Variants in TEX101 observed in about 807,000 individuals in gnomAD.
The protein encoded by TEX101 is testis expressed 101.
A neutral mutation model predicts 18.1 loss-of-function variants in TEX101; 10 were observed. The ratio of observed to expected loss-of-function variants is 0.55; its 90% CI spans 0.34 to 0.94. The LOEUF is 0.94. Among genes scored for constraint, TEX101 ranks in the 40% least tolerant of loss-of-function variants. The probability of loss-of-function intolerance (pLI) is 0.02; values close to 1 mark genes in which losing one functional copy is unlikely to be tolerated. For synonymous variants in TEX101, 94 were observed against 114.8 expected (o/e 0.82, Z 1.16); for missense variants, 259 against 298.9 (o/e 0.87, Z 0.98).
the TEX101 span, among the ~76,000 whole-genome samples, chr19:43,396,075 C>A: frequency 6.6e-6 from 1 of 152,222 alleles, no homozygotes; most frequent in Non-Finnish European, 1.5e-5. Flanking sequence ...TCCCCACTTT[C>A]CATCCATCTC....
At position 43,418,370 on chromosome 19, in the gene TEX101, G is replaced by A. The variant is rs770297376; in HGVS notation, c.723G>A (p.Leu241=). ...GGTTACAGCTACTGCTGCCATTGCT[G>A]CTGCCATCATTTATTCACTTTTCCT... ...VWGLQLLLPL[L]LPSFIHFS is the part of the protein sequence containing the mutation. The change falls in exon 6 of 6, where the codon CTG becomes CTA. Residue 241 remains leucine (L), a synonymous_variant. Transcript: ENST00000598265. The A allele has an allele frequency of 1.8e-5, 29 of 1,613,832 alleles. 1 individual carries two copies. In the South Asian group the frequency reaches 2.4e-4, roughly 13 times the overall value.
At chr19:43,390,386 T>A in the TEX101 span, among the ~76,000 whole-genome samples, 1 of 151,250 alleles carries the variant, frequency 6.6e-6, no homozygotes, top group Admixed American at 6.6e-5. Flanking sequence ...TAAATTATGG[T>A]AAAATATATA....
At chr19:43,391,373 C>A in the TEX101 span, among the ~76,000 whole-genome samples, 3 of 150,282 alleles carry the variant, frequency 2.0e-5, no homozygotes, top group African/African-American at 7.3e-5. Flanking sequence ...CGTTCCAATT[C>A]CTCCTTGCCA....
chr19:43,418,049 C>T, intron 5 of TEX101, 43 bp downstream of exon 5: 6 of 1,613,792 alleles, frequency 3.7e-6, no homozygotes, highest in Non-Finnish European at 4.2e-6. Context: ...GGCTGGAAAA[C>T]CATTTGAGTG....
chr19:43,404,496 A>G (rs1287810953), intron 2 of TEX101, among the ~76,000 whole-genome samples: 1 of 152,158 alleles, frequency 6.6e-6, no homozygotes, highest in East Asian at 1.9e-4. Flanking sequence ...TTTGTTTGTT[A>G]TCTTCCAACC....
intron 4 of TEX101, among the ~76,000 whole-genome samples, chr19:43,416,957 C>T (rs1274077507): frequency 6.7e-6 from 1 of 149,744 alleles, no homozygotes; most frequent in African/African-American, 2.5e-5. Context: ...TGCTTGAACC[C>T]AGGAGGCAGA....
At chr19:43,404,623 A>AT (rs926642638) in intron 2 of TEX101, among the ~76,000 whole-genome samples, 18 of 152,052 alleles carry the variant, frequency 1.2e-4, no homozygotes, top group African/African-American at 4.1e-4. Context: ...TGCTTGATTG[A>AT]TTTTTTAATT....
At chr19:43,404,059 A>C (rs1423020292) in intron 2 of TEX101, among the ~76,000 whole-genome samples, 1 of 145,090 alleles carries the variant, frequency 6.9e-6, no homozygotes, top group Non-Finnish European at 1.5e-5. Context: ...AGATGGTCAA[A>C]AGTGTGTGGG....
the TEX101 span, among the ~76,000 whole-genome samples, chr19:43,395,361 G>A: frequency 1.4e-4 from 21 of 152,314 alleles, no homozygotes; most frequent in African/African-American, 3.6e-4. Context: ...CAAATGTGGC[G>A]AATTTTGGGG....
At chr19:43,397,882 AT>A (rs1970283472), upstream of TEX101, among the ~76,000 whole-genome samples, 1 of 92,710 alleles carries the variant, frequency 1.1e-5, no homozygotes, top group Non-Finnish European at 1.9e-5. Context: ...ATAAAAATAT[AT>A]ATTATATATA....
At chr19:43,397,222 C>T (rs558187608), upstream of TEX101, among the ~76,000 whole-genome samples, 2 of 152,240 alleles carry the variant, frequency 1.3e-5, no homozygotes, top group African/African-American at 4.8e-5. Context: ...CAGGTGCAGT[C>T]ATCTGCAGCT....
chr19:43,400,965 C>T (rs1198315470), upstream of TEX101, among the ~76,000 whole-genome samples: 1 of 152,040 alleles, frequency 6.6e-6, no homozygotes, highest in Non-Finnish European at 1.5e-5. Context: ...TTAACTAGCC[C>T]ACAGACCCAA....
upstream of TEX101, among the ~76,000 whole-genome samples, chr19:43,400,481 C>T (rs1260556095): frequency 6.6e-6 from 1 of 152,156 alleles, no homozygotes; most frequent in Non-Finnish European, 1.5e-5. Context: ...TGCATAATTA[C>T]TTATTTGCTA....
At chr19:43,400,353 T>G (rs1196004134), upstream of TEX101, among the ~76,000 whole-genome samples, 1 of 152,240 alleles carries the variant, frequency 6.6e-6, no homozygotes, top group African/African-American at 2.4e-5. Context: ...ACATACTTTT[T>G]AGAAAAAGAA....
At chr19:43,395,951 C>G in the TEX101 span, among the ~76,000 whole-genome samples, 1 of 152,346 alleles carries the variant, frequency 6.6e-6, no homozygotes, top group East Asian at 1.9e-4. Context: ...AGCTCTGTGA[C>G]AAAGTTCACT....
upstream of TEX101, among the ~76,000 whole-genome samples, chr19:43,414,129 G>A (rs1202370675): frequency 6.7e-6 from 1 of 150,176 alleles, no homozygotes; most frequent in Non-Finnish European, 1.5e-5. Context: ...TGTCAAAAAG[G>A]GAAGGGAAGG....
Position 43,416,239 on chromosome 19 carries a change from G to C in TEX101, c.205G>C (p.Ala69Pro). The change falls in exon 3 of 6, where the codon GCA becomes CCA. Residue 69 changes from alanine (A) to proline (P), a missense_variant. Ala to Pro is a conservative substitution (Grantham distance 27). Coordinates refer to ENST00000598265, the MANE Select transcript of TEX101 (RefSeq NM_001130011.3). ...CCAGGAAACCATACTAATAATTAAAGCAGGTGAAATGAGATGGGGCATTTG... is the reference window on the plus strand; with the variant it reads ...CCAGGAAACCATACTAATAATTAAACCAGGTGAAATGAGATGGGGCATTTG... Reference protein sequence around the residue: ...LCQETILIIKAGTETAILATK... With the variant: ...LCQETILIIKPGTETAILATK... The C allele has an allele frequency of 6.2e-7, 1 of 1,606,158 alleles. No homozygotes were observed. Among genetic ancestry groups the C allele is most frequent in the Non-Finnish European group, 8.5e-7 (1 of 1,176,540 alleles).
At chr19:43,418,119 TG>T (rs1489336357) in intron 5 of TEX101, 48 bp from the exon 6 acceptor site, 1 of 1,611,850 alleles carries the variant, frequency 6.2e-7, no homozygotes, top group East Asian at 2.2e-5. Flanking sequence ...GATTCTCCTC[TG>T]ATGTCCTAAA....
At chr19:43,414,815 A>T (rs1016039294), upstream of TEX101, 43 of 983,810 alleles carry the variant, frequency 4.4e-5, no homozygotes, top group African/African-American at 1.4e-4. Context: ...CATCCAATGA[A>T]CTTATCCGAT....
Sources: allele counts gnomAD v4.1 joint callset (sites outside exome capture counted in the v4.1 genomes callset), GRCh38; gene constraint gnomAD v4.1.1; transcripts MANE v1.5; gene names NCBI Gene and HGNC (gene_info 2026-07-23, HGNC 2026-07-21).